NBPF26: variants seen among roughly 807,000 people sequenced by gnomAD.
NBPF26 encodes NBPF family member NBPF26.
Under a neutral mutation model 119.6 loss-of-function variants are expected in NBPF26, and 79 were observed. The observed-to-expected ratio is 0.66, with a 90% CI of 0.55 to 0.80. NBPF26 has a LOEUF of 0.80. NBPF26 is among the 30% of genes least tolerant of loss of function. NBPF26 has a pLI of 0.00. For missense variants in NBPF26, 800 were observed against 1,198.2 expected (o/e 0.67, Z 4.91); for synonymous variants, 299 against 457.7 (o/e 0.65, Z 4.43).
intron 1 of NBPF26, among the ~76,000 whole-genome samples, chr1:120,760,180 C>CTT (rs1161423259): frequency 2.6e-3 from 39 of 15,164 alleles, no homozygotes; most frequent in African/African-American, 5.1e-3. Context: ...TCTACCACAG[C>CTT]TTTTTTTTTT....
At chr1:120,840,640 A>G (rs1553273611), downstream of NBPF26, 28 of 1,450,024 alleles carry the variant, frequency 1.9e-5, 3 homozygotes, top group Non-Finnish European at 2.4e-5. Flanking sequence ...GGCAGGACCT[A>G]TAGGCACGTG....
At position 120,825,301 on chromosome 1, in the gene NBPF26, T is replaced by TCTCC. The variant is rs1652238381; in HGVS notation, c.2812+1158_2812+1159insCCTC. 5.0e-5 allele frequency among the ~76,000 whole-genome samples: 6 copies of TCTCC among 120,124 alleles called. No individual in the cohort carries two copies. In the South Asian group the frequency reaches 1.2e-3, roughly 24 times the overall value. The allele number at this position is 120,124 out of a possible 152,430, so 78.8% of individuals were successfully genotyped here. On this transcript the variant is annotated intron_variant, in intron 18 of 29. Coordinates refer to ENST00000620612, the Ensembl canonical transcript of NBPF26. ...CCAATTCACTGAGCTCACTTTCTCC[T>TCTCC]CTCTCTCTCTCTCCCTCTCCCTGTC...
chr1:120,819,278 T>A (rs1230188988), intron 15 of NBPF26, among the ~76,000 whole-genome samples: 1 of 117,752 alleles, frequency 8.5e-6, no homozygotes, highest in African/African-American at 4.8e-5. Flanking sequence ...AAAGTCTGTT[T>A]TATCAGAGAC....
At chr1:120,840,490 A>C in exon 30 of NBPF26, 1 of 1,479,534 alleles carries the variant, frequency 6.8e-7, no homozygotes, top group Non-Finnish European at 9.2e-7. Flanking sequence ...TCATTTGAGG[A>C]AGAGCATATC....
chr1:120,805,663 C>A, exon 5 of NBPF26: 1 of 1,456,570 alleles, frequency 6.9e-7, no homozygotes, highest in South Asian at 1.2e-5. Flanking sequence ...CGAGACATTG[C>A]GCCCCCAGCT....
chr1:120,737,811 T>G (rs1650922084), intron 1 of NBPF26, among the ~76,000 whole-genome samples: 1 of 119,024 alleles, frequency 8.4e-6, no homozygotes, highest in Non-Finnish European at 1.7e-5. Context: ...TTTGTTTCCC[T>G]TGACAGTTTG....
Position 120,808,407 on chromosome 1 carries a change from A to T in NBPF26, c.1065-138A>T. The stretch of plus-strand genomic sequence containing the variant: ...ATTTTCTATTCTTTCTCTTGGCCAC[A>T]GACATTCCTTTCAACGTGTGCTGAC... On this transcript the variant is annotated intron_variant, in intron 6 of 29. Transcript: ENST00000620612. 2.7e-5 allele frequency: 20 copies of T among 744,416 alleles called. 4 individuals are homozygous for T. The South Asian group carries it at 2.8e-4, about 10-fold the overall frequency. The allele number at this position is 744,416 out of a possible 1,614,324, so 46.1% of individuals were successfully genotyped here. A position where few individuals can be genotyped will look rare whatever the true frequency, so the allele number is the denominator to read the frequency against.
intron 1 of NBPF26, among the ~76,000 whole-genome samples, chr1:120,743,711 T>A (rs1650955142): frequency 9.1e-6 from 1 of 109,578 alleles, no homozygotes. Context: ...ACCTTGTTCA[T>A]TTTTTGAGAA....
Position 120,811,781 on chromosome 1 carries a change from T to A in NBPF26, c.1565-105T>A. ...CAAGAGTGAAACCAGGGAAACATCT[T>A]CAAATAAGTAAACAAGGCTACCAGT... On this transcript the variant is annotated intron_variant, in intron 9 of 29. Coordinates refer to ENST00000620612, the Ensembl canonical transcript of NBPF26. The A allele has an allele frequency of 1.2e-5, 8 of 658,026 alleles. 3 individuals are homozygous for A. The highest frequency in any genetic ancestry group is 1.3e-5 in the Non-Finnish European group (5 of 376,690). 40.8% of individuals were successfully genotyped at this position (658,026 alleles called of 1,614,324 possible).
At chr1:120,818,587 T>A (rs1652062001) in intron 15 of NBPF26, among the ~76,000 whole-genome samples, 1 of 126,828 alleles carries the variant, frequency 7.9e-6, no homozygotes, top group Non-Finnish European at 1.6e-5. Context: ...GGTGTCAATT[T>A]TAGGTCTTTT....
chr1:120,798,629 C>CTTT lies in NBPF26; in HGVS notation c.751+5149_751+5151dup, dbSNP rs1355268196. 8.2e-4 allele frequency among the ~76,000 whole-genome samples: 24 copies of CTTT among 29,354 alleles called. 1 individual carries two copies. Among genetic ancestry groups the CTTT allele is most frequent in the African/African-American group, 2.8e-3 (23 of 8,294 alleles). The allele number at this position is 29,354 out of a possible 152,430, so 19.3% of individuals were successfully genotyped here. A position where few individuals can be genotyped will look rare whatever the true frequency, so the allele number is the denominator to read the frequency against. ...GCGTCATTTTCTTTTCTTTTCTTTT[C>CTTT]TTTTTTTTTTTTTTTTTTGAGACGG... On this transcript the variant is annotated intron_variant, in intron 4 of 29. Coordinates refer to ENST00000620612, the Ensembl canonical transcript of NBPF26.
intron 8 of NBPF26, among the ~76,000 whole-genome samples, 172 bp downstream of exon 8, chr1:120,810,055 G>T (rs1223534743): frequency 2.3e-5 from 3 of 132,392 alleles, no homozygotes; most frequent in Non-Finnish European, 4.7e-5. Flanking sequence ...GTTTCTCTAT[G>T]TGTGCCAAGT....
At chr1:120,805,355 C>A (rs1651655200) in intron 4 of NBPF26, 1 of 1,052,166 alleles carries the variant, frequency 9.5e-7, no homozygotes, top group East Asian at 2.5e-5. Flanking sequence ...GTCTGAGCTA[C>A]TGGCAGTGCT....
intron 18 of NBPF26, among the ~76,000 whole-genome samples, 141 bp from the exon 20 acceptor site, chr1:120,825,373 A>T (rs1299928912): frequency 8.2e-6 from 1 of 121,564 alleles, no homozygotes; most frequent in Admixed American, 7.6e-5. Context: ...TCCCAACCTA[A>T]AGGCAATAAT....
chr1:120,755,579 T>G, intron 1 of NBPF26, among the ~76,000 whole-genome samples: 1 of 77,450 alleles, frequency 1.3e-5, no homozygotes, highest in Middle Eastern at 5.9e-3. Context: ...GATTTTTTTT[T>G]GCAATAAGTT....
Position 120,823,260 on chromosome 1 carries a change from C to A in NBPF26, c.2588-49C>A, listed in dbSNP as rs1553272213. 2.1e-5 allele frequency: 19 copies of A among 902,288 alleles called. 1 individual carries two copies. The East Asian group carries it at 4.1e-4, about 20-fold the overall frequency. 55.9% of individuals were successfully genotyped at this position (902,288 alleles called of 1,614,324 possible). On this transcript the variant is annotated intron_variant, in intron 16 of 29. Coordinates refer to ENST00000620612, the Ensembl canonical transcript of NBPF26. ...TTGGACAGAGGAATGTTTCTGTGTG[C>A]AAGGAAGAACTGCTTAATGTAAGAG... is the stretch of plus-strand genomic sequence containing the variant.
intron 4 of NBPF26, among the ~76,000 whole-genome samples, chr1:120,801,550 C>A (rs1463730517): frequency 1.1e-5 from 1 of 94,168 alleles, no homozygotes. Context: ...CATTTCAGGG[C>A]CAGGCTCAGT....
At chr1:120,812,147 C>T in intron 10 of NBPF26, 52 bp downstream of exon 10, 1 of 579,744 alleles carries the variant, frequency 1.7e-6, no homozygotes, top group East Asian at 2.9e-5. Flanking sequence ...GTCCTGTCTT[C>T]TCTCTGAGAC....
chr1:120,737,904 TA>T (rs1650923073), intron 1 of NBPF26, among the ~76,000 whole-genome samples: 1 of 87,242 alleles, frequency 1.1e-5, no homozygotes, highest in African/African-American at 6.8e-5. Context: ...TTCCAAATTT[TA>T]TTTTGCCGAT....
Sources: gnomAD v4.1 joint callset for allele counts (sites outside exome capture counted in the v4.1 genomes callset) on GRCh38, gnomAD v4.1.1 for gene constraint, MANE v1.5 for transcripts, NCBI Gene and HGNC (gene_info 2026-07-23, HGNC 2026-07-21) for gene names.